TAFA5: variants seen among roughly 807,000 people sequenced by gnomAD.
TAFA5 encodes the protein chemokine-like protein TAFA-5.
Under a neutral mutation model 15.3 loss-of-function variants are expected in TAFA5, and 6 were observed. The observed-to-expected ratio is 0.39, with a 90% CI of 0.21 to 0.77. TAFA5 has a LOEUF of 0.77. TAFA5 is among the 30% of genes least tolerant of loss of function. The pLI is 0.41. For synonymous variants in TAFA5, 103 were observed against 80.7 expected (o/e 1.28, Z -1.48); for missense variants, 161 against 193.1 (o/e 0.83, Z 0.98).
At chr22:48,601,729 C>T (rs1296848301) in intron 1 of TAFA5, among the ~76,000 whole-genome samples, 1 of 152,216 alleles carries the variant, frequency 6.6e-6, no homozygotes, top group Non-Finnish European at 1.5e-5. Flanking sequence ...CTCCCTCCCC[C>T]TCCAGGTATG....
chr22:48,658,873 G>A (rs1003290220), intron 2 of TAFA5, among the ~76,000 whole-genome samples: 1 of 152,240 alleles, frequency 6.6e-6, no homozygotes, highest in Non-Finnish European at 1.5e-5. Context: ...ACAGTGCCCT[G>A]TGCTGAGGGG....
At chr22:48,496,339 G>A (rs1055616314) in intron 1 of TAFA5, among the ~76,000 whole-genome samples, 28 of 147,332 alleles carry the variant, frequency 1.9e-4, no homozygotes, top group African/African-American at 7.2e-4. Flanking sequence ...TGTGAGCTTG[G>A]GGCATGGCTG....
At position 48,573,081 on chromosome 22, in the gene TAFA5, C is replaced by T. The variant is rs564741088; in HGVS notation, c.113-73516C>T. The stretch of plus-strand genomic sequence containing the variant: ...CTCTGTGGACAGCTTTCCTCTGGCC[C>T]TGGTCTGAGCTACACTAGCCTTAAA... On this transcript the variant is annotated intron_variant, in intron 1 of 3. Transcript: ENST00000402357. Among the ~76,000 whole-genome samples the T allele has an allele frequency of 1.1e-3, 172 of 152,344 alleles. 2 individuals carry two copies. The highest frequency in any genetic ancestry group is 4.0e-3 in the African/African-American group (167 of 41,590).
At chr22:48,619,720 G>A (rs142642536) in intron 1 of TAFA5, among the ~76,000 whole-genome samples, 2,207 of 152,360 alleles carry the variant, frequency 0.014, 54 homozygotes, top group African/African-American at 0.05. Context: ...CAGGGCCTCA[G>A]TCTGGCAGCA....
At chr22:48,609,145 C>T (rs576654428) in intron 1 of TAFA5, among the ~76,000 whole-genome samples, 13 of 152,282 alleles carry the variant, frequency 8.5e-5, no homozygotes, top group African/African-American at 2.4e-4. Flanking sequence ...TGTGCGTAAA[C>T]AGGTGGGCGG....
chr22:48,687,167 G>A (rs5771718), intron 2 of TAFA5, among the ~76,000 whole-genome samples: 119,327 of 151,186 alleles, frequency 0.79, 47,265 homozygotes, highest in South Asian at 0.87. Flanking sequence ...TGGAGGGTGG[G>A]TGATGGATGA....
chr22:48,525,676 G>A (rs1255538450), intron 1 of TAFA5, among the ~76,000 whole-genome samples: 7 of 152,270 alleles, frequency 4.6e-5, no homozygotes, highest in African/African-American at 1.4e-4. Context: ...GGGTCAGGCC[G>A]GGGCCCCAGA....
chr22:48,531,323 T>C (rs133476), intron 1 of TAFA5, among the ~76,000 whole-genome samples: 36,203 of 152,036 alleles, frequency 0.24, 4,847 homozygotes, highest in Middle Eastern at 0.3. Flanking sequence ...TGATGAAGAC[T>C]GGGCAGGTGA....
At chr22:48,512,604 T>A (rs1450465104) in intron 1 of TAFA5, among the ~76,000 whole-genome samples, 6 of 145,622 alleles carry the variant, frequency 4.1e-5, no homozygotes, top group Admixed American at 2.1e-4. Flanking sequence ...CCAGCCTGGG[T>A]GATAGAGCGA....
At chr22:48,685,952 G>A (rs561850543) in intron 2 of TAFA5, among the ~76,000 whole-genome samples, 1 of 135,364 alleles carries the variant, frequency 7.4e-6, no homozygotes, top group Non-Finnish European at 1.5e-5. Flanking sequence ...CAGGCCCCAC[G>A]TGCGCCCCGG....
rs114170789 is a variant in TAFA5, at chr22:48,527,793, G to A, written c.112+38089G>A. On this transcript the variant is annotated intron_variant, in intron 1 of 3. Coordinates refer to ENST00000402357, the MANE Select transcript of TAFA5 (RefSeq NM_001082967.3). ...TGAGGGGAGCAGCTGTGGGTCCGGC[G>A]ATGGTGGCCGGGAGGTCAGAGGGAG... Among the ~76,000 whole-genome samples the A allele has an allele frequency of 7.3e-3, 1,114 of 152,306 alleles. 12 individuals carry two copies. The highest frequency in any genetic ancestry group is 0.026 in the African/African-American group (1,064 of 41,564).
At chr22:48,593,467 G>C (rs1173583471) in intron 1 of TAFA5, among the ~76,000 whole-genome samples, 1 of 152,050 alleles carries the variant, frequency 6.6e-6, no homozygotes, top group African/African-American at 2.4e-5. Context: ...TGAGCTGGCT[G>C]TCTGGGCTCG....
At chr22:48,548,306 C>T (rs1922745395) in intron 1 of TAFA5, among the ~76,000 whole-genome samples, 2 of 152,260 alleles carry the variant, frequency 1.3e-5, no homozygotes, top group African/African-American at 4.8e-5. Flanking sequence ...GCCCGCCTCT[C>T]TGGGTCATCA....
At chr22:48,581,101 TTG>T (rs1924023039) in intron 1 of TAFA5, among the ~76,000 whole-genome samples, 1 of 152,258 alleles carries the variant, frequency 6.6e-6, no homozygotes, top group Non-Finnish European at 1.5e-5. Flanking sequence ...CTATCATTTC[TTG>T]TGTGACACAG....
chr22:48,733,010 A>G (rs530149347), intron 3 of TAFA5, among the ~76,000 whole-genome samples: 3 of 152,226 alleles, frequency 2.0e-5, no homozygotes, highest in Non-Finnish European at 4.4e-5. Context: ...AGACTGCAGT[A>G]TAATATAAAC....
chr22:48,677,336 G>T (rs1456034139), intron 2 of TAFA5, among the ~76,000 whole-genome samples: 1 of 152,252 alleles, frequency 6.6e-6, no homozygotes, highest in Non-Finnish European at 1.5e-5. Flanking sequence ...TGGCTCGGAC[G>T]TCGGTTTCAG....
chr22:48,746,614 A>G (rs1476621329), intron 3 of TAFA5, among the ~76,000 whole-genome samples: 2 of 152,118 alleles, frequency 1.3e-5, no homozygotes, highest in African/African-American at 4.8e-5. Flanking sequence ...GCACAGGGGG[A>G]CGCTCAGAGA....
chr22:48,689,205 G>A (rs868777872), intron 2 of TAFA5, among the ~76,000 whole-genome samples: 7 of 152,094 alleles, frequency 4.6e-5, no homozygotes, highest in South Asian at 2.1e-4. Flanking sequence ...TTTCAAAAAC[G>A]CGTGGAACCC....
At chr22:48,604,987 G>C (rs1228308051) in intron 1 of TAFA5, among the ~76,000 whole-genome samples, 3 of 151,658 alleles carry the variant, frequency 2.0e-5, no homozygotes, top group Non-Finnish European at 4.4e-5. Flanking sequence ...AGGTGGTGAT[G>C]GCAATGAGGA....
Sources: allele counts gnomAD v4.1 joint callset (sites outside exome capture counted in the v4.1 genomes callset), GRCh38; gene constraint gnomAD v4.1.1; transcripts MANE v1.5; gene names NCBI Gene and HGNC (gene_info 2026-07-23, HGNC 2026-07-21).